Variants in KLF8 observed in about 807,000 individuals in gnomAD.
KLF8 encodes the protein KLF transcription factor 8.
KLF8 carries 10 observed loss-of-function variants against 18.2 expected under a neutral mutation model. The observed-to-expected ratio is 0.55, with a 90% CI of 0.34 to 0.93. KLF8 has a LOEUF of 0.93. Ranked by LOEUF, KLF8 falls within the 40% of genes least tolerant of loss-of-function variation. The pLI is 0.02. For missense variants in KLF8, 264 were observed against 277.9 expected, an observed-to-expected ratio of 0.95 and a Z score of 0.36; for synonymous variants, 109 against 97.3, an observed-to-expected ratio of 1.12 and a Z score of -0.71.
the KLF8 span, among the ~76,000 whole-genome samples, chrX:56,035,047 G>T: frequency 9.0e-6 from 1 of 111,538 alleles, no homozygotes; most frequent in Admixed American, 9.5e-5. Context: ...GAGCCACAGC[G>T]CCCGGCCGAA....
intron 5 of KLF8, among the ~76,000 whole-genome samples, 161 bp downstream of exon 5, chrX:56,270,482 C>A (rs1321489682): frequency 9.1e-6 from 1 of 109,587 alleles, no homozygotes; most frequent in Non-Finnish European, 1.9e-5. Context: ...GAAACAAAGA[C>A]TGATGCATTT....
the KLF8 span, among the ~76,000 whole-genome samples, chrX:56,130,139 C>G: frequency 1.8e-5 from 2 of 111,045 alleles, no homozygotes; most frequent in Non-Finnish European, 3.8e-5. Flanking sequence ...TCTCCTGATT[C>G]TCCCCTATAC....
At chrX:55,932,737 G>A in the KLF8 span, among the ~76,000 whole-genome samples, 8 of 111,877 alleles carry the variant, frequency 7.2e-5, no homozygotes, top group African/African-American at 2.6e-4. Flanking sequence ...AGAGAGATCC[G>A]CTGTTAGTCT....
At chrX:56,275,747 G>A (rs1364930204) in intron 5 of KLF8, among the ~76,000 whole-genome samples, 1 of 112,662 alleles carries the variant, frequency 8.9e-6, no homozygotes, top group Non-Finnish European at 1.9e-5. Flanking sequence ...ATCAATTGAA[G>A]TGACCAAATG....
the KLF8 span, among the ~76,000 whole-genome samples, chrX:56,010,084 A>G: frequency 8.9e-6 from 1 of 112,074 alleles, no homozygotes; most frequent in Non-Finnish European, 1.9e-5. Context: ...AGACAGGCCA[A>G]CATTCAAATT....
chrX:55,934,000 A>C, the KLF8 span, among the ~76,000 whole-genome samples: 233 of 112,271 alleles, frequency 2.1e-3, 1 homozygote, highest in Middle Eastern at 9.3e-3. Context: ...TGTTTATTTC[A>C]GAGTTGTTAA....
chrX:55,927,152 G>A, the KLF8 span, among the ~76,000 whole-genome samples: 3 of 112,029 alleles, frequency 2.7e-5, no homozygotes, highest in African/African-American at 9.7e-5. Flanking sequence ...TGTGATAACT[G>A]TAGATTTCTC....
chrX:56,123,845 C>G, the KLF8 span, among the ~76,000 whole-genome samples: 1 of 111,765 alleles, frequency 8.9e-6, no homozygotes, highest in Non-Finnish European at 1.9e-5. Flanking sequence ...TTTAATGAAG[C>G]ATGTCCTATG....
chrX:55,910,406 G>T, the KLF8 span, among the ~76,000 whole-genome samples: 1 of 111,230 alleles, frequency 9.0e-6, no homozygotes, highest in African/African-American at 3.3e-5. Flanking sequence ...AAGCTACAGG[G>T]CATGTGGAAT....
At chrX:56,048,339 G>GCCCATGT in the KLF8 span, among the ~76,000 whole-genome samples, 1 of 111,771 alleles carries the variant, frequency 8.9e-6, no homozygotes. Context: ...TGAAGCCCTT[G>GCCCATGT]CCCATGTCTA....
chrX:56,111,954 C>A, the KLF8 span, among the ~76,000 whole-genome samples: 2 of 111,635 alleles, frequency 1.8e-5, no homozygotes, highest in Non-Finnish European at 3.8e-5. Context: ...ACCAGAAATA[C>A]AATTTGACCC....
the KLF8 span, among the ~76,000 whole-genome samples, chrX:56,185,036 C>T: frequency 1.8e-5 from 2 of 112,694 alleles, no homozygotes; most frequent in African/African-American, 3.2e-5. Context: ...ATGATTTTGA[C>T]GAGGTCAGAG....
chrX:56,219,179 A>G, the KLF8 span, among the ~76,000 whole-genome samples: 1 of 112,393 alleles, frequency 8.9e-6, no homozygotes, highest in Non-Finnish European at 1.9e-5. Context: ...TCAGAAAAAA[A>G]GAAATATTAT....
the KLF8 span, among the ~76,000 whole-genome samples, chrX:55,963,737 A>G: frequency 9.0e-6 from 1 of 111,676 alleles, no homozygotes; most frequent in Non-Finnish European, 1.9e-5. Flanking sequence ...GAACAAAGAT[A>G]TTTGGGATGT....
the KLF8 span, among the ~76,000 whole-genome samples, chrX:56,183,503 G>A: frequency 9.0e-6 from 1 of 111,557 alleles, no homozygotes; most frequent in African/African-American, 3.3e-5. Flanking sequence ...GATGAAACCT[G>A]TACCACAGTT....
the KLF8 span, among the ~76,000 whole-genome samples, chrX:56,054,757 G>A: frequency 1.8e-5 from 2 of 111,658 alleles, no homozygotes; most frequent in African/African-American, 6.5e-5. Flanking sequence ...TTGCTTTACG[G>A]ATCAGAGTAC....
chrX:55,917,368 C>T, the KLF8 span, among the ~76,000 whole-genome samples: 1 of 112,070 alleles, frequency 8.9e-6, no homozygotes, highest in African/African-American at 3.2e-5. Context: ...TTTGGATCCC[C>T]TGTCTCCTTT....
chrX:56,023,103 C>T, the KLF8 span, among the ~76,000 whole-genome samples: 1 of 110,565 alleles, frequency 9.0e-6, no homozygotes, highest in Non-Finnish European at 1.9e-5. Flanking sequence ...AGGACAATTA[C>T]AACACAAAAG....
chrX:56,206,348 C>G, the KLF8 span, among the ~76,000 whole-genome samples: 1 of 111,765 alleles, frequency 8.9e-6, no homozygotes, highest in East Asian at 2.8e-4. Flanking sequence ...AAGGTCTTAT[C>G]TGAGACAAGG....
Sources: gnomAD v4.1 joint callset for allele counts (sites outside exome capture counted in the v4.1 genomes callset) on GRCh38, gnomAD v4.1.1 for gene constraint, MANE v1.5 for transcripts, NCBI Gene and HGNC (gene_info 2026-07-23, HGNC 2026-07-21) for gene names.